The following PSTPIP2 variants were observed in gnomAD, a reference collection of about 807,000 sequenced individuals.
PSTPIP2 encodes proline-serine-threonine phosphatase interacting protein 2.
A neutral mutation model predicts 63.3 loss-of-function variants in PSTPIP2; 33 were observed. The observed-to-expected ratio is 0.52, with a 90% CI of 0.40 to 0.70. The LOEUF is 0.70. PSTPIP2 is among the 30% of genes least tolerant of loss of function. The probability of loss-of-function intolerance (pLI) is 0.00; values close to 1 mark genes in which losing one functional copy is unlikely to be tolerated. For missense variants in PSTPIP2, 312 were observed against 400.7 expected (o/e 0.78, Z 1.89); for synonymous variants, 125 against 132.7 (o/e 0.94, Z 0.40).
intron 6 of PSTPIP2, among the ~76,000 whole-genome samples, chr18:45,999,816 G>T (rs1024981323): frequency 6.6e-6 from 1 of 152,144 alleles, no homozygotes; most frequent in Non-Finnish European, 1.5e-5. Context: ...TTTAAAAATG[G>T]ACTGAAACGA....
intron 1 of PSTPIP2, among the ~76,000 whole-genome samples, chr18:46,069,097 CAGG>C (rs764909776): frequency 1.3e-4 from 20 of 152,122 alleles, no homozygotes; most frequent in Non-Finnish European, 2.2e-4. Flanking sequence ...TAAGTATCTA[CAGG>C]AGGTTCAGGG....
rs1048827 is a variant in PSTPIP2, at chr18:45,985,229, G to T, written c.*230C>A. 93,056 of 564,318 alleles carry T rather than the reference G, an allele frequency of 0.16. 12,505 individuals carry two copies. Among genetic ancestry groups the T allele is most frequent in the African/African-American group, 0.49 (24,975 of 51,356 alleles). The allele number at this position is 564,318 out of a possible 1,614,324, so 35.0% of individuals were successfully genotyped here. A position where few individuals can be genotyped will look rare whatever the true frequency, so the allele number is the denominator to read the frequency against. ...ATTCATAACCTGAGTAACTGGGAAA[G>T]AATAATTCTTCAGAATGGGGCAATT... On this transcript the variant is annotated 3_prime_UTR_variant, in exon 15 of 15. Coordinates refer to ENST00000409746, the MANE Select transcript of PSTPIP2 (RefSeq NM_024430.4).
intron 5 of PSTPIP2, among the ~76,000 whole-genome samples, chr18:46,008,632 G>A (rs922564226): frequency 2.0e-5 from 3 of 152,090 alleles, no homozygotes; most frequent in African/African-American, 7.2e-5. Context: ...AAAACTGGAA[G>A]CATCGCCTCT....
intron 14 of PSTPIP2, among the ~76,000 whole-genome samples, chr18:45,986,870 C>G (rs1302857823): frequency 6.6e-6 from 1 of 152,186 alleles, no homozygotes; most frequent in Non-Finnish European, 1.5e-5. Flanking sequence ...CTGAGTCTTG[C>G]TCTGTCGCCC....
intron 2 of PSTPIP2, among the ~76,000 whole-genome samples, chr18:46,027,068 T>C (rs1274257826): frequency 6.6e-6 from 1 of 150,998 alleles, no homozygotes; most frequent in African/African-American, 2.4e-5. Context: ...GCCAAGGCGG[T>C]GGATCACCTG....
chr18:46,053,249 A>C (rs1908643283), intron 1 of PSTPIP2, among the ~76,000 whole-genome samples: 1 of 152,166 alleles, frequency 6.6e-6, no homozygotes, highest in African/African-American at 2.4e-5. Context: ...TTTCATTTAA[A>C]TTAAGTTTTA....
At chr18:46,049,020 GTGTGTGT>G (rs1599740784) in intron 1 of PSTPIP2, among the ~76,000 whole-genome samples, 1 of 136,390 alleles carries the variant, frequency 7.3e-6, no homozygotes, top group East Asian at 2.2e-4. Flanking sequence ...GTGTGTGTGT[GTGTGTGT>G]GTGTGTGTGT....
At chr18:46,043,842 T>C (rs1908281799) in intron 1 of PSTPIP2, among the ~76,000 whole-genome samples, 3 of 152,124 alleles carry the variant, frequency 2.0e-5, no homozygotes, top group African/African-American at 2.4e-5. Context: ...TGTATTTCTA[T>C]ATACCGGTGG....
At chr18:46,052,619 C>T (rs1249783179) in intron 1 of PSTPIP2, among the ~76,000 whole-genome samples, 2 of 152,098 alleles carry the variant, frequency 1.3e-5, no homozygotes, top group African/African-American at 4.8e-5. Flanking sequence ...CATTCATTCC[C>T]ATTCAGTTTC....
intron 2 of PSTPIP2, among the ~76,000 whole-genome samples, chr18:46,025,847 C>T (rs906085680): frequency 3.9e-5 from 6 of 152,190 alleles, no homozygotes; most frequent in African/African-American, 7.2e-5. Context: ...CTCCGCCTCC[C>T]GGGTTCAAGC....
intron 2 of PSTPIP2, among the ~76,000 whole-genome samples, chr18:46,026,219 AC>A (rs1441871592): frequency 1.3e-5 from 2 of 152,218 alleles, no homozygotes; most frequent in Non-Finnish European, 1.5e-5. Flanking sequence ...AGGAATGCTG[AC>A]CCACAGTGGA....
At chr18:45,990,699 A>G (rs2051519520) in intron 13 of PSTPIP2, 23 bp downstream of exon 13, 6 of 1,593,028 alleles carry the variant, frequency 3.8e-6, no homozygotes, top group Non-Finnish European at 5.2e-6. Context: ...AAGAATTTCA[A>G]AAGACCTTTT....
In PSTPIP2 at chr18:46,011,177, C is replaced by A. The variant is rs758328116; in HGVS notation, c.354+4G>T. On this transcript the variant is annotated splice_donor_region_variant and intron_variant, in intron 5 of 14. Coordinates refer to ENST00000409746, the MANE Select transcript of PSTPIP2 (RefSeq NM_024430.4). ...AAACACCTTAACACGTATGCAAATC[C>A]AACCTTTTTTCGTTGTAGTTTTTGC... 1.2e-6 allele frequency: 2 copies of A among 1,610,750 alleles called. No individual in the cohort carries two copies. The highest frequency in any genetic ancestry group is 1.7e-5 in the Admixed American group (1 of 59,982).
At chr18:46,017,154 A>G (rs1334537448) in intron 3 of PSTPIP2, among the ~76,000 whole-genome samples, 1 of 152,082 alleles carries the variant, frequency 6.6e-6, no homozygotes, top group East Asian at 1.9e-4. Flanking sequence ...TTCTTGAAAA[A>G]TAATTTCTCC....
chr18:45,988,592 T>G (rs2051491418), intron 14 of PSTPIP2, 110 bp downstream of exon 14: 2 of 926,370 alleles, frequency 2.2e-6, no homozygotes, highest in African/African-American at 1.7e-5. Context: ...ACCTGCCTCA[T>G]GCAAGGCCTT....
At chr18:46,021,423 G>A (rs1352834525) in intron 3 of PSTPIP2, among the ~76,000 whole-genome samples, 2 of 75,368 alleles carry the variant, frequency 2.7e-5, no homozygotes, top group Non-Finnish European at 8.8e-5. Context: ...ATATATATGT[G>A]TATGTGTATA....
chr18:45,992,016 A>G, intron 11 of PSTPIP2, 33 bp from the exon 12 acceptor site: 3 of 1,597,638 alleles, frequency 1.9e-6, no homozygotes, highest in Non-Finnish European at 2.6e-6. Context: ...GGACATGAAG[A>G]GGCAGGCGTC....
At chr18:46,005,282 G>T (rs561819492) in intron 6 of PSTPIP2, among the ~76,000 whole-genome samples, 187 bp downstream of exon 6, 2 of 152,254 alleles carry the variant, frequency 1.3e-5, no homozygotes, top group East Asian at 3.9e-4. Context: ...TCTGGGTAAT[G>T]TAATAATATG....
chr18:46,005,054 T>C (rs1341681207), intron 6 of PSTPIP2, among the ~76,000 whole-genome samples: 2 of 152,230 alleles, frequency 1.3e-5, no homozygotes, highest in African/African-American at 2.4e-5. Flanking sequence ...ATCATGTCTT[T>C]TGAGGAAACA....
Sources: allele counts gnomAD v4.1 joint callset (sites outside exome capture counted in the v4.1 genomes callset), GRCh38; gene constraint gnomAD v4.1.1; transcripts MANE v1.5; gene names NCBI Gene and HGNC (gene_info 2026-07-23, HGNC 2026-07-21).